MAGI2: variants seen among roughly 807,000 people sequenced by gnomAD.
MAGI2 encodes the protein membrane associated guanylate kinase, WW and PDZ domain containing 2, also known as membrane-associated guanylate kinase, WW and PDZ domain-containing protein 2.
In MAGI2, 35 loss-of-function variants were observed where a neutral mutation model predicts 133.3. That is an observed-to-expected ratio of 0.26 (90% confidence interval 0.20 to 0.35). MAGI2 has a LOEUF of 0.35. Among genes scored for constraint, MAGI2 ranks in the 10% least tolerant of loss-of-function variants. The pLI is 1.00. For missense variants in MAGI2, 1,636 were observed against 1,863.4 expected (o/e 0.88, Z 2.25); for synonymous variants, 729 against 710.6 (o/e 1.03, Z -0.41).
chr7:78,235,896 G>T (rs1235065152), intron 10 of MAGI2, among the ~76,000 whole-genome samples: 3 of 152,026 alleles, frequency 2.0e-5, no homozygotes, highest in African/African-American at 7.3e-5. Context: ...TTAACAAAGG[G>T]TAGTTGGTGG....
chr7:79,406,555 A>C (rs529344938), intron 1 of MAGI2, among the ~76,000 whole-genome samples: 16 of 152,164 alleles, frequency 1.1e-4, no homozygotes, highest in Non-Finnish European at 1.9e-4. Flanking sequence ...TGGGAGGCTG[A>C]ACCAGGAAAC....
chr7:78,893,425 G>A (rs920237902), intron 2 of MAGI2, among the ~76,000 whole-genome samples: 4 of 152,060 alleles, frequency 2.6e-5, no homozygotes, highest in Non-Finnish European at 5.9e-5. Context: ...AAAGACACAG[G>A]CACACGTATG....
chr7:79,060,325 A>T (rs1183251062), intron 1 of MAGI2, among the ~76,000 whole-genome samples: 1 of 152,030 alleles, frequency 6.6e-6, no homozygotes, highest in East Asian at 1.9e-4. Context: ...CCCCAATTTT[A>T]TGCAATTATC....
intron 2 of MAGI2, among the ~76,000 whole-genome samples, chr7:78,687,306 CT>C (rs144046369): frequency 6.6e-6 from 1 of 152,264 alleles, no homozygotes; most frequent in East Asian, 1.9e-4. Context: ...TGTGTCAACT[CT>C]TTGGGTCTCA....
At chr7:78,542,272 T>G (rs1480751800) in intron 3 of MAGI2, among the ~76,000 whole-genome samples, 1 of 152,220 alleles carries the variant, frequency 6.6e-6, no homozygotes, top group East Asian at 1.9e-4. Context: ...CCAGTCTATG[T>G]AATAATCAAT....
intron 6 of MAGI2, among the ~76,000 whole-genome samples, chr7:78,414,895 C>T (rs982012067): frequency 3.2e-4 from 48 of 152,060 alleles, no homozygotes; most frequent in African/African-American, 1.1e-3. Flanking sequence ...AATCTCTCTT[C>T]AGAAATTCCA....
intron 9 of MAGI2, among the ~76,000 whole-genome samples, chr7:78,308,552 G>A (rs905694765): frequency 2.6e-5 from 4 of 151,074 alleles, no homozygotes; most frequent in African/African-American, 9.7e-5. Flanking sequence ...TTTTTTTCTG[G>A]AAAGGGATGG....
chr7:78,165,551 C>T (rs141811572), intron 15 of MAGI2, among the ~76,000 whole-genome samples: 109 of 152,262 alleles, frequency 7.2e-4, no homozygotes, highest in African/African-American at 2.5e-3. Context: ...AAGGCGGAAG[C>T]GTGTCATCCC....
At chr7:78,601,683 T>TA (rs961651740) in intron 3 of MAGI2, among the ~76,000 whole-genome samples, 20 of 152,232 alleles carry the variant, frequency 1.3e-4, no homozygotes, top group African/African-American at 4.6e-4. Flanking sequence ...GGGCAAGGAT[T>TA]AAAAAAATTA....
At chr7:79,418,004 C>A (rs1442861681) in intron 1 of MAGI2, among the ~76,000 whole-genome samples, 1 of 151,892 alleles carries the variant, frequency 6.6e-6, no homozygotes, top group Non-Finnish European at 1.5e-5. Context: ...ATATTTTTTT[C>A]ATGTGTACAG....
chr7:79,063,804 C>A (rs575560527), intron 1 of MAGI2, among the ~76,000 whole-genome samples: 2 of 152,132 alleles, frequency 1.3e-5, no homozygotes, highest in East Asian at 3.9e-4. Flanking sequence ...ACCACATTTG[C>A]AAACAGACTA....
At chr7:78,195,170 G>T in intron 11 of MAGI2, 107 bp from the exon 12 acceptor site, 3 of 840,744 alleles carry the variant, frequency 3.6e-6, no homozygotes, top group Non-Finnish European at 1.8e-6. Flanking sequence ...TTCTTCCAGG[G>T]GATGGGTAAA....
At position 79,075,936 on chromosome 7, in the gene MAGI2, A is replaced by C. The variant is rs528111142; in HGVS notation, c.302-68730T>G. Reference sequence around the variant, plus strand: ...ATATCTGGGCAGTTTTAGAGACTCAAATAATATGATACTTTAAAAAAAATC... The same window carrying C: ...ATATCTGGGCAGTTTTAGAGACTCACATAATATGATACTTTAAAAAAAATC... On this transcript the variant is annotated intron_variant, in intron 1 of 21. Transcript: ENST00000354212. Among the ~76,000 whole-genome samples the C allele has an allele frequency of 3.9e-5, 6 of 152,314 alleles. No individual in the cohort carries two copies. The East Asian group carries it at 1.2e-3, about 29-fold the overall frequency.
Position 78,296,041 on chromosome 7 carries a change from C to T in MAGI2, c.1409-39460G>A, listed in dbSNP as rs145309305. 9.8e-5 allele frequency among the ~76,000 whole-genome samples: 15 copies of T among 152,306 alleles called. No homozygotes were observed. The East Asian group carries it at 2.5e-3, about 25-fold the overall frequency. ...GCCATTGCTATTACCCTAGTTTCAG[C>T]TATAACGCTCCCTTTCTTTGGCTAC... is the stretch of plus-strand genomic sequence containing the variant. On this transcript the variant is annotated intron_variant, in intron 9 of 21. Coordinates refer to ENST00000354212, the MANE Select transcript of MAGI2 (RefSeq NM_012301.4).
rs12668218 is a variant in MAGI2 at position 78,164,738 on chromosome 7, T to C, written c.2596+3178A>G. ...GAAAAGATGCTGATAGCTTTAAGAC[T>C]GACTCTAACATGTTTTTATGAAGTC... On this transcript the variant is annotated intron_variant, in intron 15 of 21. Coordinates refer to ENST00000354212, the MANE Select transcript of MAGI2 (RefSeq NM_012301.4). Among the ~76,000 whole-genome samples, 82 of 152,394 alleles carry C rather than the reference T, an allele frequency of 5.4e-4. No individual in the cohort carries two copies. The East Asian group carries it at 0.013, about 25-fold the overall frequency.
intron 1 of MAGI2, among the ~76,000 whole-genome samples, chr7:79,409,178 C>A (rs1286690021): frequency 6.6e-6 from 1 of 152,120 alleles, no homozygotes; most frequent in Non-Finnish European, 1.5e-5. Flanking sequence ...ATTATTCCTG[C>A]AAAGCAGCAC....
chr7:78,437,110 T>A (rs143817405), intron 6 of MAGI2, among the ~76,000 whole-genome samples: 2 of 152,292 alleles, frequency 1.3e-5, no homozygotes, highest in African/African-American at 4.8e-5. Flanking sequence ...GAAATCATAC[T>A]TCTGGCTCCT....
chr7:78,323,784 C>T (rs191811749), intron 9 of MAGI2, among the ~76,000 whole-genome samples: 1 of 152,144 alleles, frequency 6.6e-6, no homozygotes, highest in Admixed American at 6.5e-5. Flanking sequence ...TTCTGAGGAG[C>T]TTTGAAACAC....
intron 6 of MAGI2, among the ~76,000 whole-genome samples, chr7:78,460,997 T>C (rs1789924843): frequency 6.6e-6 from 1 of 151,882 alleles, no homozygotes; most frequent in African/African-American, 2.4e-5. Flanking sequence ...TAAAAAATCT[T>C]TCCTGGCCTT....
Sources: allele counts gnomAD v4.1 joint callset (sites outside exome capture counted in the v4.1 genomes callset), GRCh38; gene constraint gnomAD v4.1.1; transcripts MANE v1.5; gene names NCBI Gene and HGNC (gene_info 2026-07-23, HGNC 2026-07-21).